The following FAM3B variants were observed in gnomAD, a reference collection of about 807,000 sequenced individuals.
FAM3B encodes the protein FAM3 metabolism regulating signaling molecule B.
A neutral mutation model predicts 28.4 loss-of-function variants in FAM3B; 29 were observed. That is an observed-to-expected ratio of 1.02 (90% CI 0.76 to 1.39). FAM3B has a LOEUF of 1.39. FAM3B is among the 40% of genes most tolerant of loss of function. FAM3B has a pLI of 0.00. For synonymous variants in FAM3B, 91 were observed against 103.0 expected (o/e 0.88, Z 0.71); for missense variants, 266 against 293.9 (o/e 0.91, Z 0.69).
chr21:41,312,655 A>G (rs962368276), upstream of FAM3B, among the ~76,000 whole-genome samples: 10 of 152,180 alleles, frequency 6.6e-5, no homozygotes, highest in African/African-American at 2.4e-4. Context: ...AAGAAAGGCA[A>G]ATGAAGACCT....
chr21:41,344,413 CTT>C (rs34059353), intron 3 of FAM3B, 61 bp from the exon 4 acceptor site: 22,749 of 1,499,738 alleles, frequency 0.015, 211 homozygotes, highest in Non-Finnish European at 0.017. Flanking sequence ...CAGGCGAAGA[CTT>C]CGCGGAGCGG....
Position 41,338,450 on chromosome 21 carries a change from T to C in FAM3B, c.236T>C (p.Leu79Pro). The C allele has an allele frequency of 1.2e-6, 2 of 1,614,198 alleles. No homozygotes were observed. Among genetic ancestry groups the C allele is most frequent in the South Asian group, 1.1e-5 (1 of 91,088 alleles). ...TCTGACACCTATGCCTACAGGTTACTCAGCGGAGGTGGCAGAAGCAAGTAC... is the reference window on the plus strand; with the variant it reads ...TCTGACACCTATGCCTACAGGTTACCCAGCGGAGGTGGCAGAAGCAAGTAC... ...CPSDTYAYRL[L>P]SGGGRSKYAK... Residue 79 changes from leucine (L) to proline (P), a missense_variant, in exon 3 of 8, where the codon CTC (leucine) becomes CCC (proline). Leu to Pro is a moderately conservative substitution (Grantham distance 98). Coordinates refer to ENST00000357985, the MANE Select transcript of FAM3B (RefSeq NM_058186.4).
chr21:41,331,987 C>T (rs1448045632), intron 2 of FAM3B, among the ~76,000 whole-genome samples: 6 of 152,300 alleles, frequency 3.9e-5, no homozygotes, highest in African/African-American at 1.4e-4. Flanking sequence ...ATATTTGGCC[C>T]TGCCCAAATC....
At chr21:41,325,971 C>T (rs920998322) in intron 2 of FAM3B, among the ~76,000 whole-genome samples, 1 of 152,184 alleles carries the variant, frequency 6.6e-6, no homozygotes, top group Admixed American at 6.5e-5. Context: ...CAGACTGAAA[C>T]TGATAGCAGA....
intron 5 of FAM3B, 75 bp from the exon 6 acceptor site, chr21:41,346,938 G>T (rs778938370): frequency 1.5e-6 from 2 of 1,320,118 alleles, no homozygotes; most frequent in Admixed American, 1.7e-5. Flanking sequence ...TGCAGGTGCA[G>T]GAGGAAGCCC....
chr21:41,328,714 CAG>C (rs1171295449), intron 2 of FAM3B, among the ~76,000 whole-genome samples: 4 of 152,154 alleles, frequency 2.6e-5, no homozygotes, highest in Admixed American at 2.6e-4. Flanking sequence ...TAAATTAAAA[CAG>C]GGAGTGGGGC....
intron 2 of FAM3B, among the ~76,000 whole-genome samples, chr21:41,337,430 G>T (rs151227022): frequency 6.6e-6 from 1 of 152,170 alleles, no homozygotes; most frequent in African/African-American, 2.4e-5. Context: ...TGGGCTCCTC[G>T]CATTCCAGCC....
chr21:41,352,300 AG>A (rs568251084), intron 7 of FAM3B, among the ~76,000 whole-genome samples: 36 of 152,234 alleles, frequency 2.4e-4, no homozygotes, highest in African/African-American at 7.2e-4. Flanking sequence ...CCCTCCATGC[AG>A]GGGGTGCCTT....
chr21:41,350,431 C>T (rs1304162365), intron 7 of FAM3B, among the ~76,000 whole-genome samples: 1 of 152,212 alleles, frequency 6.6e-6, no homozygotes, highest in Non-Finnish European at 1.5e-5. Flanking sequence ...AAGATAGTTC[C>T]TGCCACAGAA....
At chr21:41,342,393 C>A (rs1033476350) in intron 3 of FAM3B, among the ~76,000 whole-genome samples, 1 of 152,202 alleles carries the variant, frequency 6.6e-6, no homozygotes, top group African/African-American at 2.4e-5. Context: ...TCAAATTTAA[C>A]AAATTCTCTG....
Position 41,338,400 on chromosome 21 carries a change from A to C in FAM3B, c.186A>C (p.Lys62Asn), listed in dbSNP as rs1294936225. The C allele has an allele frequency of 1.2e-6, 2 of 1,614,074 alleles. No individual in the cohort carries two copies. Among genetic ancestry groups the C allele is most frequent in the African/African-American group, 2.7e-5 (2 of 74,932 alleles). ...VLKAPVPKRQ[K>N]CDHWTPCPSD... is the part of the protein sequence containing the mutation. ...CAGCTCCAGTCCCCAAAAGGCAAAAATGTGACCACTGGACTCCCTGCCCAT... is the reference window on the plus strand; with the variant it reads ...CAGCTCCAGTCCCCAAAAGGCAAAACTGTGACCACTGGACTCCCTGCCCAT... The change falls in exon 3 of 8, where the codon AAA (lysine) becomes AAC (asparagine). Residue 62 changes from lysine (K) to asparagine (N), a missense_variant. Coordinates refer to ENST00000357985, the MANE Select transcript of FAM3B (RefSeq NM_058186.4).
chr21:41,309,184 A>G (rs1386529164), intron 1 of FAM3B, among the ~76,000 whole-genome samples: 3 of 152,210 alleles, frequency 2.0e-5, no homozygotes, highest in African/African-American at 7.2e-5. Context: ...CGCCTTCAGG[A>G]CTAGCTAGTT....
intron 2 of FAM3B, among the ~76,000 whole-genome samples, chr21:41,330,550 A>T (rs947416921): frequency 6.6e-6 from 1 of 152,194 alleles, no homozygotes; most frequent in Non-Finnish European, 1.5e-5. Flanking sequence ...TGTAGCTGAA[A>T]CTTTGTACAT....
intron 7 of FAM3B, among the ~76,000 whole-genome samples, chr21:41,356,078 CACACACAT>C (rs1426799743): frequency 2.5e-3 from 355 of 143,830 alleles, no homozygotes; most frequent in African/African-American, 8.3e-3. Context: ...CACACACACA[CACACACAT>C]AGTTTTACTC....
At chr21:41,355,156 T>A (rs542456717) in intron 7 of FAM3B, among the ~76,000 whole-genome samples, 4 of 152,362 alleles carry the variant, frequency 2.6e-5, no homozygotes, top group African/African-American at 9.6e-5. Context: ...CTATGATTTT[T>A]AAAAAGACAT....
intron 1 of FAM3B, chr21:41,304,345 G>C: frequency 2.2e-6 from 1 of 455,526 alleles, no homozygotes; most frequent in Non-Finnish European, 4.4e-6. Flanking sequence ...GGGAGGGGAA[G>C]GATGGACGGG....
chr21:41,335,556 A>G (rs936466042), intron 2 of FAM3B, among the ~76,000 whole-genome samples: 4 of 152,130 alleles, frequency 2.6e-5, no homozygotes, highest in African/African-American at 4.8e-5. Flanking sequence ...GCCTTCCACC[A>G]TGATTGTAAG....
chr21:41,350,276 G>C (rs1351146452), intron 7 of FAM3B, among the ~76,000 whole-genome samples: 1 of 152,160 alleles, frequency 6.6e-6, no homozygotes, highest in East Asian at 1.9e-4. Context: ...AGCGAATACT[G>C]GGTCCCCATC....
upstream of FAM3B, chr21:41,316,792 G>C: frequency 7.6e-7 from 1 of 1,317,066 alleles, no homozygotes; most frequent in South Asian, 1.7e-5. Flanking sequence ...ACCGCTGCCC[G>C]CCCCTTGCCT....
Sources: gnomAD v4.1 joint callset for allele counts (sites outside exome capture counted in the v4.1 genomes callset) on GRCh38, gnomAD v4.1.1 for gene constraint, MANE v1.5 for transcripts, NCBI Gene and HGNC (gene_info 2026-07-23, HGNC 2026-07-21) for gene names.